Variants in TNFAIP8 observed in about 807,000 individuals in gnomAD.
TNFAIP8 encodes the protein tumor necrosis factor alpha-induced protein 8.
In TNFAIP8, 7 loss-of-function variants were observed where a neutral mutation model predicts 13.3. That is an observed-to-expected ratio of 0.52 (90% CI 0.30 to 0.99). The LOEUF is 0.99. Among genes scored for constraint, TNFAIP8 ranks in the 50% least tolerant of loss-of-function variants. The probability of loss-of-function intolerance (pLI) is 0.07; values close to 1 mark genes in which losing one functional copy is unlikely to be tolerated. For synonymous variants in TNFAIP8, 94 were observed against 87.6 expected (o/e 1.07, Z -0.41); for missense variants, 258 against 236.9 (o/e 1.09, Z -0.58).
upstream of TNFAIP8, among the ~76,000 whole-genome samples, chr5:119,352,424 A>G (rs1242843877): frequency 1.7e-5 from 2 of 117,488 alleles, no homozygotes; most frequent in Admixed American, 7.9e-5. Context: ...AGCAGGTTAG[A>G]AAAAAAAATG....
chr5:119,382,152 AG>A (rs966706420), intron 1 of TNFAIP8, among the ~76,000 whole-genome samples: 1 of 152,176 alleles, frequency 6.6e-6, no homozygotes, highest in African/African-American at 2.4e-5. Context: ...TATTTCTATA[AG>A]GCAGAATCTT....
chr5:119,358,721 A>C (rs894704548), intron 1 of TNFAIP8, among the ~76,000 whole-genome samples: 1 of 152,146 alleles, frequency 6.6e-6, no homozygotes, highest in Non-Finnish European at 1.5e-5. Context: ...TTCCTGAGTA[A>C]ATTGCTTAAT....
chr5:119,384,654 T>A (rs1752605853), intron 1 of TNFAIP8, among the ~76,000 whole-genome samples: 1 of 152,192 alleles, frequency 6.6e-6, no homozygotes, highest in Admixed American at 6.5e-5. Context: ...GCTCTGACTT[T>A]GGGTAACCAC....
chr5:119,273,980 C>G (rs1222737348), intron 1 of TNFAIP8, among the ~76,000 whole-genome samples: 1 of 152,190 alleles, frequency 6.6e-6, no homozygotes, highest in Admixed American at 6.5e-5. Flanking sequence ...CTTCCTCATT[C>G]CTAACTCTTA....
chr5:119,389,100 T>C (rs2112859816), intron 1 of TNFAIP8, among the ~76,000 whole-genome samples: 1 of 152,154 alleles, frequency 6.6e-6, no homozygotes. Flanking sequence ...AATAATGGAC[T>C]GGGTGAGGGA....
rs1269223621 is a variant in TNFAIP8 at position 119,399,162 on chromosome 5, G to A, written c.*5781G>A. On this transcript the variant is annotated 3_prime_UTR_variant, in exon 2 of 2. Coordinates refer to ENST00000504771, the MANE Select transcript of TNFAIP8 (RefSeq NM_014350.4). ...CATGGTGAAATCCACGAGTGGAAAC[G>A]TTCCATGGTATTTTCAAACGCCACG... 3 of 152,114 alleles carry A rather than the reference G, an allele frequency of 2.0e-5. No homozygotes were observed. Among genetic ancestry groups the A allele is most frequent in the South Asian group, 4.1e-4 (2 of 4,822 alleles). The allele number at this position is 152,114 out of a possible 1,614,324, so 9.4% of individuals were successfully genotyped here.
chr5:119,276,890 A>T (rs2150801511), intron 1 of TNFAIP8, among the ~76,000 whole-genome samples: 1 of 152,294 alleles, frequency 6.6e-6, no homozygotes, highest in South Asian at 2.1e-4. Context: ...CACAGGGAGG[A>T]TCTTTTCAGG....
At chr5:119,348,627 T>C (rs887965823) in intron 1 of TNFAIP8, among the ~76,000 whole-genome samples, 2 of 152,128 alleles carry the variant, frequency 1.3e-5, no homozygotes, top group East Asian at 1.9e-4. Flanking sequence ...ACGCTTGTAA[T>C]CCCAGCACTT....
chr5:119,274,145 G>A (rs954268790), intron 1 of TNFAIP8, among the ~76,000 whole-genome samples: 2 of 152,088 alleles, frequency 1.3e-5, no homozygotes, highest in Admixed American at 1.3e-4. Context: ...CCTGTCCTGA[G>A]CTCTCTTCTG....
chr5:119,367,090 A>G (rs1334131792), intron 1 of TNFAIP8, among the ~76,000 whole-genome samples: 2 of 152,180 alleles, frequency 1.3e-5, no homozygotes, highest in African/African-American at 4.8e-5. Context: ...GTTGCTGGGG[A>G]AAGGGTCATT....
chr5:119,269,097 C>G (rs1443294655), intron 1 of TNFAIP8, among the ~76,000 whole-genome samples: 1 of 152,220 alleles, frequency 6.6e-6, no homozygotes, highest in African/African-American at 2.4e-5. Flanking sequence ...CAGGAGCGCA[C>G]AGCCTCGGAA....
At chr5:119,340,358 C>T (rs766768958) in intron 1 of TNFAIP8, among the ~76,000 whole-genome samples, 3 of 152,184 alleles carry the variant, frequency 2.0e-5, no homozygotes, top group East Asian at 1.9e-4. Context: ...CACAGAAATT[C>T]GATTCAGGAA....
rs1562038843 is a variant in TNFAIP8, at chr5:119,393,202, C to T, written c.418C>T (p.His140Tyr). 6.2e-7 allele frequency: 1 copy of T among 1,614,024 alleles called. No homozygotes were observed. Among genetic ancestry groups the T allele is most frequent in the Non-Finnish European group, 8.5e-7 (1 of 1,179,888 alleles). The change falls in exon 2 of 2, where the codon CAC becomes TAC. Residue 140 changes from histidine to tyrosine, a missense_variant. His to Tyr is a moderately conservative substitution (Grantham distance 83). Coordinates refer to ENST00000504771, the MANE Select transcript of TNFAIP8 (RefSeq NM_014350.4). ...RLLNECREML[H>Y]QIIQRHLTAK... The stretch of plus-strand genomic sequence containing the variant: ...GTTAAATGAATGCAGAGAGATGCTG[C>T]ACCAAATCATTCAGCGCCACCTCAC...
chr5:119,392,669 C>G, intron 1 of TNFAIP8, 147 bp from the exon 2 acceptor site: 1 of 978,494 alleles, frequency 1.0e-6, no homozygotes, highest in Non-Finnish European at 1.5e-6. Context: ...CTTTTCTGAA[C>G]AGAGACTAAT....
rs1336258849 is a variant in TNFAIP8, at chr5:119,297,978, T to A, written c.1+29071T>A. Reference sequence around the variant, plus strand: ...TGCTTGGTAGATCTTCCTCCATCCTTTTATTTTGAGCCTATGTGTGTCTCT... The same window carrying A: ...TGCTTGGTAGATCTTCCTCCATCCTATTATTTTGAGCCTATGTGTGTCTCT... On this transcript the variant is annotated intron_variant, in intron 1 of 1. Transcript: ENST00000274456. Among the ~76,000 whole-genome samples the A allele has an allele frequency of 1.1e-3, 163 of 152,352 alleles. 1 individual carries two copies. The highest frequency in any genetic ancestry group is 3.5e-3 in the African/African-American group (147 of 41,576).
rs1248950353 is a variant in TNFAIP8, at chr5:119,395,603, C to G, written c.*2222C>G. The G allele has an allele frequency of 6.6e-6, 1 of 152,122 alleles. No homozygotes were observed. The highest frequency in any genetic ancestry group is 1.5e-5 in the Non-Finnish European group (1 of 68,046). 9.4% of individuals were successfully genotyped at this position (152,122 alleles called of 1,614,324 possible). A position where few individuals can be genotyped will look rare whatever the true frequency, so the allele number is the denominator to read the frequency against. On this transcript the variant is annotated 3_prime_UTR_variant, in exon 2 of 2. Coordinates refer to ENST00000504771, the MANE Select transcript of TNFAIP8 (RefSeq NM_014350.4). ...AGAGGGAAGGCAGTGAGGAGTAGAC[C>G]GAAGGAGGGAATCCTGTTTGCTACC...
At chr5:119,284,418 C>T (rs934164413) in intron 1 of TNFAIP8, among the ~76,000 whole-genome samples, 1 of 152,084 alleles carries the variant, frequency 6.6e-6, no homozygotes, top group African/African-American at 2.4e-5. Context: ...TTAGGCCAGG[C>T]ACCTATAATC....
chr5:119,333,372 G>C, intron 1 of TNFAIP8: 1 of 1,314,772 alleles, frequency 7.6e-7, no homozygotes, highest in Non-Finnish European at 9.7e-7. Flanking sequence ...TAACAAGCAA[G>C]ACAACTTTCA....
At chr5:119,373,851 A>G (rs1752178772) in intron 1 of TNFAIP8, among the ~76,000 whole-genome samples, 3 of 152,194 alleles carry the variant, frequency 2.0e-5, no homozygotes, top group South Asian at 2.1e-4. Flanking sequence ...GTTTTGGGCT[A>G]TGTGATCTCT....
Sources: allele counts gnomAD v4.1 joint callset (sites outside exome capture counted in the v4.1 genomes callset), GRCh38; gene constraint gnomAD v4.1.1; transcripts MANE v1.5; gene names NCBI Gene and HGNC (gene_info 2026-07-23, HGNC 2026-07-21).